FADS3: variants seen among roughly 807,000 people sequenced by gnomAD.
The protein encoded by FADS3 is fatty acid desaturase 3.
In FADS3, 30 loss-of-function variants were observed where a neutral mutation model predicts 60.4. That is an observed-to-expected ratio of 0.50 (90% confidence interval 0.37 to 0.67). The LOEUF (loss-of-function observed/expected upper bound fraction) is 0.67. FADS3 is among the 30% of genes least tolerant of loss of function. The probability of loss-of-function intolerance (pLI) is 0.00; values close to 1 mark genes in which losing one functional copy is unlikely to be tolerated. For missense variants in FADS3, 432 were observed against 598.3 expected (o/e 0.72, Z 2.90); for synonymous variants, 234 against 249.3 (o/e 0.94, Z 0.58).
Position 61,876,152 on chromosome 11 carries a change from G to A in FADS3, c.1119C>T (p.Thr373=), listed in dbSNP as rs139413071. The change falls in exon 10 of 12, where the codon ACC becomes ACT. Residue 373 remains threonine (T), a synonymous_variant. Coordinates refer to ENST00000278829, the MANE Select transcript of FADS3 (RefSeq NM_021727.5). This position sits in a 1 kb window ranked among gnomAD's most constrained non-coding sequence, Gnocchi z 5.7. ...AGTTGAGGTGCCCGCTGAACCAGTT[G>A]GTGAAAAGTGAGGGCTCCACGTTGC... ...ATCNVEPSLF[T]NWFSGHLNFQ... is the part of the protein sequence containing the mutation. The A allele has an allele frequency of 2.4e-5, 39 of 1,608,316 alleles. No individual in the cohort carries two copies. The African/African-American group carries it at 4.8e-4, about 20-fold the overall frequency.
intron 1 of FADS3, chr11:61,886,380 C>G (rs1023132069): frequency 1.3e-5 from 2 of 152,308 alleles, no homozygotes; most frequent in Admixed American, 1.3e-4. Flanking sequence ...AAGGAAGGAG[C>G]AAGGCACTGC....
intron 1 of FADS3, among the ~76,000 whole-genome samples, chr11:61,888,351 G>A (rs560398747): frequency 5.4e-4 from 82 of 152,346 alleles, no homozygotes; most frequent in Non-Finnish European, 1.6e-4. Context: ...TGAGGCCACC[G>A]CCCGGGATGG....
chr11:61,876,546 T>C lies in FADS3; in HGVS notation c.984-91A>G, dbSNP rs1009821057. The C allele has an allele frequency of 8.0e-5, 80 of 1,003,002 alleles. No homozygotes were observed. Among genetic ancestry groups the C allele is most frequent in the Non-Finnish European group, 1.2e-4 (73 of 633,392 alleles). 62.1% of individuals were successfully genotyped at this position (1,003,002 alleles called of 1,614,324 possible). A position where few individuals can be genotyped will look rare whatever the true frequency, so the allele number is the denominator to read the frequency against. ...GAGAGCAGCTGTCCCCAAGTGGCCT[T>C]GACTTCCTTATCTGTACAATAGGAT... On this transcript the variant is annotated intron_variant, in intron 8 of 11. Coordinates refer to ENST00000278829, the MANE Select transcript of FADS3 (RefSeq NM_021727.5). This position sits in a 1 kb window ranked among gnomAD's most constrained non-coding sequence, Gnocchi z 5.7.
chr11:61,886,696 A>G (rs1938332637), intron 1 of FADS3, among the ~76,000 whole-genome samples: 1 of 152,086 alleles, frequency 6.6e-6, no homozygotes, highest in African/African-American at 2.4e-5. Flanking sequence ...CCCAGTTTCA[A>G]ACTCAGTCTC....
chr11:61,876,259 C>T lies in FADS3; in HGVS notation c.1081-69G>A, dbSNP rs529245657. On this transcript the variant is annotated intron_variant, in intron 9 of 11. Coordinates refer to ENST00000278829, the MANE Select transcript of FADS3 (RefSeq NM_021727.5). This position sits in a 1 kb window ranked among gnomAD's most constrained non-coding sequence, Gnocchi z 5.7. The stretch of plus-strand genomic sequence containing the variant: ...TCCCTGACCCCACGGCACCATCCCC[C>T]ACCTGGCAGCCCCGTCAGGGCCTCA... 1.5e-5 allele frequency: 24 copies of T among 1,574,374 alleles called. No homozygotes were observed. The African/African-American group carries it at 2.3e-4, about 15-fold the overall frequency.
chr11:61,873,847 A>G lies in FADS3; in HGVS notation c.1305T>C (p.Gly435=). The change falls in exon 12 of 12, where the codon GGT becomes GGC. Residue 435 remains glycine, a synonymous_variant. Coordinates refer to ENST00000278829, the MANE Select transcript of FADS3 (RefSeq NM_021727.5). ...GGAGGTAGGCGTCCAGCCAGATGTCACCAGACTTCTTCAGGGACCTGGGAG... is the reference window on the plus strand; with the variant it reads ...GGAGGTAGGCGTCCAGCCAGATGTCGCCAGACTTCTTCAGGGACCTGGGAG... ...VDIVRSLKKS[G]DIWLDAYLHQ is the part of the protein sequence containing the mutation. 5 of 1,575,164 alleles carry G rather than the reference A, an allele frequency of 3.2e-6. No individual in the cohort carries two copies. Among genetic ancestry groups the G allele is most frequent in the Non-Finnish European group, 4.3e-6 (5 of 1,158,878 alleles).
chr11:61,890,663 G>T (rs1938473050), intron 1 of FADS3, among the ~76,000 whole-genome samples: 2 of 152,146 alleles, frequency 1.3e-5, no homozygotes, highest in South Asian at 4.1e-4. Context: ...GCCCTCCCAC[G>T]TGCAGCTGCT....
At chr11:61,889,963 G>A (rs966961948) in intron 1 of FADS3, among the ~76,000 whole-genome samples, 3 of 152,084 alleles carry the variant, frequency 2.0e-5, no homozygotes, top group African/African-American at 2.4e-5. Context: ...CCCTCACCTC[G>A]CCACGCCCTG....
chr11:61,885,750 G>A (rs990951871), intron 1 of FADS3, among the ~76,000 whole-genome samples: 4 of 152,166 alleles, frequency 2.6e-5, no homozygotes, highest in African/African-American at 9.7e-5. Flanking sequence ...CAGGGCTGCT[G>A]AGGGCTCAGG....
Position 61,877,731 on chromosome 11 carries a change from C to T in FADS3, c.809-144G>A. On this transcript the variant is annotated intron_variant, in intron 6 of 11. Coordinates refer to ENST00000278829, the MANE Select transcript of FADS3 (RefSeq NM_021727.5). The surrounding 1 kb of genome is among the most constrained non-coding windows in gnomAD (Gnocchi z 4.7). ...TCCAGCTGAATGACCCCATATCACC[C>T]CCAATTCTGTGTCCAAGCCTCCCCA... 1.4e-6 allele frequency: 1 copy of T among 730,030 alleles called. No individual in the cohort carries two copies. The highest frequency in any genetic ancestry group is 2.7e-5 in the East Asian group (1 of 36,862). 45.2% of individuals were successfully genotyped at this position (730,030 alleles called of 1,614,324 possible). A position where few individuals can be genotyped will look rare whatever the true frequency, so the allele number is the denominator to read the frequency against.
chr11:61,881,155 A>G (rs1324065444), intron 1 of FADS3: 1 of 152,138 alleles, frequency 6.6e-6, no homozygotes, highest in African/African-American at 2.4e-5. Flanking sequence ...CTATTTTTAC[A>G]AAAAAGAAAA....
intron 11 of FADS3, 107 bp downstream of exon 11, chr11:61,875,744 A>C: frequency 1.4e-6 from 2 of 1,389,326 alleles, no homozygotes; most frequent in Non-Finnish European, 2.0e-6. Context: ...GGACGTGGAC[A>C]GAAAGGCTCA....
Position 61,879,438 on chromosome 11 carries a change from G to T in FADS3, c.396C>A (p.Pro132=). ...GGCCCAGTAGGAAAGCAAAGAAGGT[G>T]GGACTGGCATCAAACAGCTTCATGT... ...AEDMKLFDAS[P]TFFAFLLGHI... The change falls in exon 3 of 12, where the codon CCC becomes CCA. Residue 132 remains proline (P), a synonymous_variant. Coordinates refer to ENST00000278829, the MANE Select transcript of FADS3 (RefSeq NM_021727.5). 6.2e-7 allele frequency: 1 copy of T among 1,606,714 alleles called. No homozygotes were observed.
At chr11:61,886,124 T>C (rs1259765355) in intron 1 of FADS3, 1 of 152,246 alleles carries the variant, frequency 6.6e-6, no homozygotes, top group Non-Finnish European at 1.5e-5. Flanking sequence ...CCCCTCAATG[T>C]CCTGGTGAAG....
In FADS3 at chr11:61,876,198, A is replaced by T; in HGVS notation, c.1081-8T>A. On this transcript the variant is annotated splice_region_variant and splice_polypyrimidine_tract_variant and intron_variant, in intron 9 of 11. Transcript: ENST00000278829. The surrounding 1 kb of genome is among the most constrained non-coding windows in gnomAD (Gnocchi z 5.7). ...GTTGCAGGTGGCTGCCAGCTGCCGGAAGCCGGCGGGGCACATGTGAGGAGG... is the reference window on the plus strand; with the variant it reads ...GTTGCAGGTGGCTGCCAGCTGCCGGTAGCCGGCGGGGCACATGTGAGGAGG... The T allele has an allele frequency of 3.1e-6, 5 of 1,593,980 alleles. No individual in the cohort carries two copies. The highest frequency in any genetic ancestry group is 4.3e-6 in the Non-Finnish European group (5 of 1,170,824).
In FADS3 at chr11:61,882,098, G is replaced by GTTTT. The variant is rs10585384; in HGVS notation, c.214-1951_214-1948dup. 3.4e-4 allele frequency: 13 copies of GTTTT among 37,980 alleles called. 1 individual carries two copies. The highest frequency in any genetic ancestry group is 1.0e-3 in the African/African-American group (10 of 9,868). The allele number at this position is 37,980 out of a possible 1,614,324, so 2.4% of individuals were successfully genotyped here. ...TGGGGTTCTACTGACCCCACTGGGT[G>GTTTT]TTTTTTTTTTTTTTTTTTTTTTTTT... On this transcript the variant is annotated intron_variant, in intron 1 of 11. Transcript: ENST00000278829.
intron 1 of FADS3, chr11:61,880,757 T>G (rs533055995): frequency 6.3e-5 from 1 of 15,794 alleles, no homozygotes; most frequent in Non-Finnish European, 2.3e-4. Flanking sequence ...AAAACATAAT[T>G]TTTTTTTTTT....
At chr11:61,879,271 G>C (rs1938031622) in intron 3 of FADS3, 41 bp downstream of exon 3, 2 of 1,521,372 alleles carry the variant, frequency 1.3e-6, no homozygotes, top group Admixed American at 3.9e-5. Flanking sequence ...GCCCACGTCT[G>C]TTGGGCAGTT....
chr11:61,878,132 C>G (rs763963678), intron 6 of FADS3, 23 bp downstream of exon 6: 1 of 1,612,020 alleles, frequency 6.2e-7, no homozygotes, highest in Non-Finnish European at 8.5e-7. Context: ...TCCCCCACCC[C>G]AGAAGGACAG....
Sources: allele counts gnomAD v4.1 joint callset (sites outside exome capture counted in the v4.1 genomes callset), GRCh38; gene constraint gnomAD v4.1.1; non-coding constraint Gnocchi (gnomAD v3.1); transcripts MANE v1.5; gene names NCBI Gene and HGNC (gene_info 2026-07-23, HGNC 2026-07-21).